GPHN: variants seen among roughly 807,000 people sequenced by gnomAD.
The protein encoded by GPHN is gephyrin.
A neutral mutation model predicts 95.5 loss-of-function variants in GPHN; 17 were observed. The ratio of observed to expected loss-of-function variants is 0.18; its 90% CI spans 0.12 to 0.27. The LOEUF is 0.27. GPHN is among the 10% of genes least tolerant of loss of function. The probability of loss-of-function intolerance (pLI) is 1.00; values close to 1 mark genes in which losing one functional copy is unlikely to be tolerated. For synonymous variants in GPHN, 320 were observed against 322.5 expected, an observed-to-expected ratio of 0.99 and a Z score of 0.08; for missense variants, 660 against 978.1, an observed-to-expected ratio of 0.67 and a Z score of 4.34.
chr14:67,627,527 G>A, the GPHN span, among the ~76,000 whole-genome samples: 1 of 152,130 alleles, frequency 6.6e-6, no homozygotes, highest in African/African-American at 2.4e-5. Flanking sequence ...TCATATCTTT[G>A]GGACAAGAAT....
rs368378103 is a variant in GPHN, at chr14:66,546,632, C to T, written c.64+38041C>T. On this transcript the variant is annotated intron_variant, in intron 1 of 22. Coordinates refer to ENST00000478722, the MANE Select transcript of GPHN (RefSeq NM_020806.5). ...CAAAAAAATACGAAAACCAGTCAGG[C>T]GTGGCGGCGCGTGCCTGCAATCGCA... Among the ~76,000 whole-genome samples the T allele has an allele frequency of 1.8e-3, 274 of 152,172 alleles. 1 individual carries two copies. Among genetic ancestry groups the T allele is most frequent in the East Asian group, 8.7e-3 (45 of 5,156 alleles).
intron 2 of GPHN, among the ~76,000 whole-genome samples, chr14:66,745,439 A>G (rs901086082): frequency 6.6e-6 from 1 of 152,150 alleles, no homozygotes; most frequent in African/African-American, 2.4e-5. Context: ...AGACAATAAT[A>G]TCATAAAATA....
chr14:67,560,175 G>A, the GPHN span, among the ~76,000 whole-genome samples: 3 of 152,020 alleles, frequency 2.0e-5, no homozygotes, highest in East Asian at 1.9e-4. Flanking sequence ...TTACAGGCAC[G>A]CACCACCATG....
chr14:67,384,294 A>G, the GPHN span: 1 of 151,918 alleles, frequency 6.6e-6, no homozygotes, highest in Non-Finnish European at 1.5e-5. Context: ...TTGCTATTAA[A>G]ATATCCACTA....
At chr14:67,162,587 C>CA (rs1433825027) in intron 19 of GPHN, among the ~76,000 whole-genome samples, 1 of 152,180 alleles carries the variant, frequency 6.6e-6, no homozygotes, top group Non-Finnish European at 1.5e-5. Flanking sequence ...ATTGCGTCAT[C>CA]TACAGTGAGC....
At chr14:66,931,556 TTTTTC>T (rs1242474843) in intron 8 of GPHN, among the ~76,000 whole-genome samples, 1 of 152,160 alleles carries the variant, frequency 6.6e-6, no homozygotes, top group Non-Finnish European at 1.5e-5. Context: ...TTTTTATTCT[TTTTTC>T]TTTTGACTAT....
chr14:67,524,610 C>A, the GPHN span, among the ~76,000 whole-genome samples: 1 of 152,164 alleles, frequency 6.6e-6, no homozygotes, highest in African/African-American at 2.4e-5. Flanking sequence ...CTGAATACAT[C>A]ATTTCTCTTG....
intron 6 of GPHN, among the ~76,000 whole-genome samples, chr14:66,921,846 CTG>C (rs1025733120): frequency 5.4e-4 from 82 of 152,208 alleles, no homozygotes; most frequent in African/African-American, 1.7e-3. Flanking sequence ...CAGCATGGTA[CTG>C]GTATAAAAAT....
At chr14:66,658,477 T>G (rs1337004556) in intron 1 of GPHN, among the ~76,000 whole-genome samples, 1 of 152,132 alleles carries the variant, frequency 6.6e-6, no homozygotes, top group Non-Finnish European at 1.5e-5. Context: ...AGAGAAGTAT[T>G]TTGTCAAAGG....
the GPHN span, among the ~76,000 whole-genome samples, chr14:67,194,666 T>G: frequency 2.6e-5 from 4 of 151,940 alleles, no homozygotes; most frequent in Non-Finnish European, 4.4e-5. Context: ...CCACCACACC[T>G]GGTTAATTGT....
chr14:67,292,656 A>T, the GPHN span: 1 of 1,613,806 alleles, frequency 6.2e-7, no homozygotes, highest in Non-Finnish European at 8.5e-7. Flanking sequence ...CCATCACAGT[A>T]CACATGAACA....
chr14:66,520,892 C>T (rs1470286655), intron 1 of GPHN, among the ~76,000 whole-genome samples: 1 of 151,904 alleles, frequency 6.6e-6, no homozygotes, highest in Non-Finnish European at 1.5e-5. Flanking sequence ...CAGTGTCTGT[C>T]GTTCCCTTCT....
At chr14:67,533,130 C>T in the GPHN span, among the ~76,000 whole-genome samples, 1 of 152,148 alleles carries the variant, frequency 6.6e-6, no homozygotes. Context: ...CTTTAAGGAG[C>T]GGGCGGGGAG....
intron 9 of GPHN, among the ~76,000 whole-genome samples, chr14:66,975,976 T>C (rs1002283904): frequency 1.1e-4 from 16 of 152,216 alleles, no homozygotes; most frequent in African/African-American, 3.9e-4. Context: ...TGTAGGCTTA[T>C]AATTCTTTTC....
chr14:67,559,962 A>G, the GPHN span, among the ~76,000 whole-genome samples: 1 of 152,000 alleles, frequency 6.6e-6, no homozygotes, highest in Non-Finnish European at 1.5e-5. Context: ...AAGCCCCCTC[A>G]GTTTCTTTCT....
At chr14:66,572,425 C>T (rs1047877916) in intron 1 of GPHN, among the ~76,000 whole-genome samples, 4 of 151,298 alleles carry the variant, frequency 2.6e-5, no homozygotes, top group Non-Finnish European at 5.9e-5. Flanking sequence ...TTTTTGTGTG[C>T]GTGTTTCGTA....
At chr14:67,383,435 G>A in the GPHN span, 3 of 1,613,026 alleles carry the variant, frequency 1.9e-6, no homozygotes, top group Non-Finnish European at 2.5e-6. Context: ...CAAAGCTGAA[G>A]ATTAACTTTG....
At chr14:67,015,066 A>G (rs1198902534) in intron 9 of GPHN, among the ~76,000 whole-genome samples, 1 of 152,238 alleles carries the variant, frequency 6.6e-6, no homozygotes, top group Non-Finnish European at 1.5e-5. Flanking sequence ...AGTGTGTTCT[A>G]CATATTATAG....
the GPHN span, chr14:67,590,140 T>C: frequency 3.2e-6 from 5 of 1,551,114 alleles, no homozygotes; most frequent in Non-Finnish European, 4.4e-6. Context: ...TCCTGTATAC[T>C]TCAATCAAGC....
Sources: gnomAD v4.1 joint callset for allele counts (sites outside exome capture counted in the v4.1 genomes callset) on GRCh38, gnomAD v4.1.1 for gene constraint, MANE v1.5 for transcripts, NCBI Gene and HGNC (gene_info 2026-07-23, HGNC 2026-07-21) for gene names.